Variants in SMC5 observed in about 807,000 individuals in gnomAD.
The protein encoded by SMC5 is structural maintenance of chromosomes protein 5.
In SMC5, 88 loss-of-function variants were observed where a neutral mutation model predicts 148.3. The ratio of observed to expected loss-of-function variants is 0.59; its 90% CI spans 0.50 to 0.71. The LOEUF (loss-of-function observed/expected upper bound fraction) is 0.71, where lower values mean the gene tolerates loss of function less well. Ranked by LOEUF, SMC5 falls within the 30% of genes least tolerant of loss-of-function variation. The pLI is 0.00. For missense variants in SMC5, 1,142 were observed against 1,298.9 expected (o/e 0.88, Z 1.86); for synonymous variants, 421 against 432.8 (o/e 0.97, Z 0.34).
intron 2 of SMC5, among the ~76,000 whole-genome samples, chr9:70,264,903 C>T (rs1377584277): frequency 3.9e-5 from 6 of 152,140 alleles, no homozygotes; most frequent in Non-Finnish European, 5.9e-5. Context: ...GCCTATTGCT[C>T]CTAGACTACA....
intron 8 of SMC5, among the ~76,000 whole-genome samples, chr9:70,293,924 CTT>C (rs1165124523): frequency 6.6e-6 from 1 of 152,066 alleles, no homozygotes; most frequent in Non-Finnish European, 1.5e-5. Context: ...TAAAAGTTGA[CTT>C]GTGATGGCTT....
chr9:70,278,126 G>A (rs116969035), intron 4 of SMC5, among the ~76,000 whole-genome samples: 5,307 of 152,092 alleles, frequency 0.035, 123 homozygotes, highest in Non-Finnish European at 0.054. Context: ...TCCAGAAGTA[G>A]ATGTTTGAAA....
chr9:70,265,602 A>G (rs1030216341), intron 2 of SMC5, among the ~76,000 whole-genome samples: 29 of 152,246 alleles, frequency 1.9e-4, no homozygotes, highest in African/African-American at 6.5e-4. Context: ...AACAATGTTT[A>G]GTTCTCTTTT....
At chr9:70,329,528 T>C (rs1413759318) in intron 17 of SMC5, among the ~76,000 whole-genome samples, 1 of 152,168 alleles carries the variant, frequency 6.6e-6, no homozygotes, top group African/African-American at 2.4e-5. Flanking sequence ...GAGTTTCCAA[T>C]AAGTTCCTCA....
At chr9:70,324,512 G>C (rs2036028493) in intron 17 of SMC5, among the ~76,000 whole-genome samples, 2 of 152,222 alleles carry the variant, frequency 1.3e-5, no homozygotes, top group South Asian at 4.1e-4. Flanking sequence ...AGAGAAGCTA[G>C]AATAATATAA....
At chr9:70,271,295 C>T (rs2034444901) in intron 3 of SMC5, among the ~76,000 whole-genome samples, 1 of 152,090 alleles carries the variant, frequency 6.6e-6, no homozygotes. Context: ...AAATTTAGAG[C>T]TTTACCTAAC....
intron 17 of SMC5, among the ~76,000 whole-genome samples, chr9:70,331,343 T>A (rs1298853775): frequency 6.6e-6 from 1 of 152,204 alleles, no homozygotes; most frequent in Non-Finnish European, 1.5e-5. Context: ...AGAAATGTAT[T>A]AACCAAATAT....
chr9:70,304,040 A>G (rs1308357529), intron 10 of SMC5, among the ~76,000 whole-genome samples: 2 of 152,154 alleles, frequency 1.3e-5, no homozygotes, highest in Non-Finnish European at 2.9e-5. Flanking sequence ...TTGTCTTAGT[A>G]TCTTCCATAG....
chr9:70,321,615 C>A (rs532504824), intron 15 of SMC5, among the ~76,000 whole-genome samples: 1 of 152,122 alleles, frequency 6.6e-6, no homozygotes, highest in Non-Finnish European at 1.5e-5. Flanking sequence ...CACCAGACCT[C>A]AATCAGTCCT....
Position 70,318,640 on chromosome 9 carries a change from G to A in SMC5, c.1933G>A (p.Val645Ile), listed in dbSNP as rs2035869583. ...TCTAAAAGTAGCGCAGTTTCTCACT[G>A]TCACTGTGGACCTAGAGCAGAGAAG... is the stretch of plus-strand genomic sequence containing the variant. Reference protein sequence around the residue: ...TSLKVAQFLTVTVDLEQRRHL... With the variant: ...TSLKVAQFLTITVDLEQRRHL... The change falls in exon 14 of 25, where the codon GTC (valine) becomes ATC (isoleucine). Residue 645 changes from valine (V) to isoleucine (I), a missense_variant. Physicochemically the swap from Val to Ile is conservative, Grantham distance 29. Coordinates refer to ENST00000361138, the MANE Select transcript of SMC5 (RefSeq NM_015110.4). The A allele has an allele frequency of 4.3e-6, 7 of 1,612,190 alleles. No individual in the cohort carries two copies. The highest frequency in any genetic ancestry group is 5.9e-6 in the Non-Finnish European group (7 of 1,178,994).
chr9:70,268,629 A>G (rs2034359091), intron 3 of SMC5, among the ~76,000 whole-genome samples: 1 of 151,806 alleles, frequency 6.6e-6, no homozygotes, highest in Non-Finnish European at 1.5e-5. Flanking sequence ...CTGATCTTGA[A>G]AGTAATACTT....
At chr9:70,270,976 C>A (rs2034434075) in intron 3 of SMC5, among the ~76,000 whole-genome samples, 1 of 152,044 alleles carries the variant, frequency 6.6e-6, no homozygotes, top group Non-Finnish European at 1.5e-5. Context: ...GCTGAGTATC[C>A]CTTATCTGCA....
In SMC5 at chr9:70,330,990, ATCT is replaced by A. The variant is rs2036204931; in HGVS notation, c.2397+6848_2397+6850del. The stretch of plus-strand genomic sequence containing the variant: ...AAAATTTACTAATAAGCTATTTTGT[ATCT>A]CATAGTCTTCAAAATACTTTATACT... On this transcript the variant is annotated intron_variant, in intron 17 of 24. Transcript: ENST00000361138. 2.0e-5 allele frequency among the ~76,000 whole-genome samples: 3 copies of A among 152,288 alleles called. No individual in the cohort carries two copies. In the South Asian group the frequency reaches 6.2e-4, roughly 32 times the overall value.
chr9:70,287,543 G>A (rs1289009053), intron 8 of SMC5, among the ~76,000 whole-genome samples: 2 of 152,154 alleles, frequency 1.3e-5, no homozygotes, highest in Admixed American at 1.3e-4. Context: ...CTGCCTTGGG[G>A]GTAGACATGT....
intron 13 of SMC5, 46 bp from the exon 14 acceptor site, chr9:70,318,468 A>T (rs747591557): frequency 7.3e-7 from 1 of 1,372,054 alleles, no homozygotes; most frequent in East Asian, 2.4e-5. Flanking sequence ...ACTTTAAAAC[A>T]TATAATTTAT....
At chr9:70,324,675 A>G (rs1487867014) in intron 17 of SMC5, among the ~76,000 whole-genome samples, 1 of 152,128 alleles carries the variant, frequency 6.6e-6, no homozygotes, top group Non-Finnish European at 1.5e-5. Flanking sequence ...CTTACTTCAG[A>G]CACCGTCTTC....
intron 13 of SMC5, among the ~76,000 whole-genome samples, chr9:70,315,955 C>T (rs1302426369): frequency 6.6e-6 from 1 of 152,014 alleles, no homozygotes; most frequent in Non-Finnish European, 1.5e-5. Flanking sequence ...ATTTTTAAGA[C>T]AAATTATACT....
intron 18 of SMC5, among the ~76,000 whole-genome samples, chr9:70,345,002 ATTTAT>A (rs2036629159): frequency 2.0e-5 from 3 of 152,282 alleles, no homozygotes; most frequent in South Asian, 4.1e-4. Flanking sequence ...TCCTCAATTG[ATTTAT>A]TTTATGATAT....
At chr9:70,287,355 A>G (rs763971162) in intron 8 of SMC5, among the ~76,000 whole-genome samples, 5 of 150,852 alleles carry the variant, frequency 3.3e-5, no homozygotes, top group Admixed American at 1.3e-4. Context: ...GGTTCTCTTT[A>G]TGGTTAAAAG....
Sources: allele counts gnomAD v4.1 joint callset (sites outside exome capture counted in the v4.1 genomes callset), GRCh38; gene constraint gnomAD v4.1.1; transcripts MANE v1.5; gene names NCBI Gene and HGNC (gene_info 2026-07-23, HGNC 2026-07-21).